EGFL6: variants seen among roughly 807,000 people sequenced by gnomAD.
EGFL6 encodes EGF like domain multiple 6, also known as epidermal growth factor-like protein 6.
EGFL6 carries 42 observed loss-of-function variants against 43.1 expected under a neutral mutation model. That is an observed-to-expected ratio of 0.98 (90% CI 0.76 to 1.26). The LOEUF (loss-of-function observed/expected upper bound fraction) is 1.26, where lower values mean the gene tolerates loss of function less well. EGFL6 is among the 50% of genes most tolerant of loss of function. The pLI is 0.00. For synonymous variants in EGFL6, 164 were observed against 163.2 expected, an observed-to-expected ratio of 1.01 and a Z score of -0.04; for missense variants, 429 against 427.8, an observed-to-expected ratio of 1.00 and a Z score of -0.02.
rs1424292783 is a variant in EGFL6, at chrX:13,617,875, C to A, written c.924C>A (p.Thr308=). Residue 308 remains threonine (T), a synonymous_variant, in exon 8 of 12, where the codon ACC becomes ACA. Coordinates refer to ENST00000361306, the MANE Select transcript of EGFL6 (RefSeq NM_015507.4). ...NVTPEPTRTP[T]PKVNLQPFNY... The stretch of plus-strand genomic sequence containing the variant: ...CCCCAGAACCCACCAGGACTCCTAC[C>A]CCTAAGGTGAACTTGCAGCCCTTCA... 2.5e-6 allele frequency: 3 copies of A among 1,211,163 alleles called. No individual in the cohort carries two copies. Among genetic ancestry groups the A allele is most frequent in the Non-Finnish European group, 3.4e-6 (3 of 895,370 alleles).
Position 13,570,563 on chromosome X carries a change from C to G in EGFL6, c.74+628C>G, listed in dbSNP as rs140847669. ...GCAATGCAGACTCTGAAGCCGTTCC[C>G]TACTGCCCTTAAGCTTAGCTGAGAC... On this transcript the variant is annotated intron_variant, in intron 1 of 11. Coordinates refer to ENST00000361306, the MANE Select transcript of EGFL6 (RefSeq NM_015507.4). 4.4e-3 allele frequency among the ~76,000 whole-genome samples: 487 copies of G among 111,881 alleles called. 3 individuals are homozygous for G. Among genetic ancestry groups the G allele is most frequent in the African/African-American group, 0.015 (476 of 30,764 alleles).
Position 13,633,422 on chromosome X carries a change from A to G in EGFL6, c.*327A>G, listed in dbSNP as rs2045824995. 6.9e-6 allele frequency: 1 copy of G among 144,544 alleles called. No individual in the cohort carries two copies. Among genetic ancestry groups the G allele is most frequent in the African/African-American group, 3.1e-5 (1 of 31,884 alleles). The allele number at this position is 144,544 out of a possible 1,213,427, so 11.9% of individuals were successfully genotyped here. A position where few individuals can be genotyped will look rare whatever the true frequency, so the allele number is the denominator to read the frequency against. On this transcript the variant is annotated 3_prime_UTR_variant, in exon 12 of 12. Coordinates refer to ENST00000361306, the MANE Select transcript of EGFL6 (RefSeq NM_015507.4). ...ACAACATTTCTAGAAAATAGAAAAA[A>G]AAGCACAGAGAAATGTTTAACTGTT...
chrX:13,571,107 C>CCCCCA (rs2045440137), intron 1 of EGFL6, among the ~76,000 whole-genome samples: 1 of 77,728 alleles, frequency 1.3e-5, no homozygotes. Flanking sequence ...CCCCACCCCA[C>CCCCCA]CCCCCACCAC....
At chrX:13,573,457 C>A (rs745839585) in intron 1 of EGFL6, among the ~76,000 whole-genome samples, 5 of 112,026 alleles carry the variant, frequency 4.5e-5, no homozygotes, top group Non-Finnish European at 7.5e-5. Context: ...TTCTGGGCAG[C>A]CTTATTTCAA....
chrX:13,631,610 T>C (rs767965835), intron 11 of EGFL6, among the ~76,000 whole-genome samples: 2 of 110,538 alleles, frequency 1.8e-5, no homozygotes, highest in East Asian at 5.6e-4. Context: ...GGTGAAACCC[T>C]GTACTAAAAA....
At position 13,633,073 on chromosome X, in the gene EGFL6, G is replaced by A. The variant is rs750562721; in HGVS notation, c.1640G>A (p.Ser547Asn). ...VLLVSGLCPD[S>N]LLSVDD ...CTTGTTTCAGGCTTATGTCCAGATA[G>A]CCTTTTATCTGTGGATGACTGAATG... Residue 547 changes from serine to asparagine, a missense_variant, in exon 12 of 12, where the codon AGC (serine) becomes AAC (asparagine). Ser to Asn is a conservative substitution (Grantham distance 46, BLOSUM62 1). Transcript: ENST00000361306. The A allele has an allele frequency of 1.0e-5, 12 of 1,197,565 alleles. No individual in the cohort carries two copies. Among genetic ancestry groups the A allele is most frequent in the Non-Finnish European group, 1.3e-5 (12 of 890,192 alleles).
At chrX:13,631,979 A>G (rs752671930) in intron 11 of EGFL6, among the ~76,000 whole-genome samples, 1 of 111,251 alleles carries the variant, frequency 9.0e-6, no homozygotes, top group African/African-American at 3.3e-5. Flanking sequence ...TTTAGTATTC[A>G]TCCTCTGTTC....
At position 13,594,793 on chromosome X, in the gene EGFL6, A is replaced by G. The variant is rs750663750; in HGVS notation, c.188-43A>G. Reference sequence around the variant, plus strand: ...AGTTTTGCGTGCATTTCACTACACTAACTACTGTTCTTTTATCATCAAGAC... The same window carrying G: ...AGTTTTGCGTGCATTTCACTACACTGACTACTGTTCTTTTATCATCAAGAC... On this transcript the variant is annotated intron_variant, in intron 2 of 11. Transcript: ENST00000361306. 6.9e-6 allele frequency: 8 copies of G among 1,158,899 alleles called. No homozygotes were observed. In the South Asian group the frequency reaches 9.3e-5, roughly 13 times the overall value.
chrX:13,600,882 C>T (rs1000691938), intron 4 of EGFL6, among the ~76,000 whole-genome samples: 2 of 109,627 alleles, frequency 1.8e-5, no homozygotes, highest in Admixed American at 9.7e-5. Context: ...AGTACATTCA[C>T]AGTGTTGTAC....
chrX:13,603,278 T>A, intron 4 of EGFL6, 39 bp from the exon 5 acceptor site: 2 of 1,163,201 alleles, frequency 1.7e-6, no homozygotes, highest in Non-Finnish European at 2.3e-6. Context: ...CTTTTTATCA[T>A]CTCAAGAGAG....
At chrX:13,606,795 G>T (rs1291952947) in intron 6 of EGFL6, among the ~76,000 whole-genome samples, 4 of 112,131 alleles carry the variant, frequency 3.6e-5, no homozygotes, top group Admixed American at 1.9e-4. Context: ...CTTTAATTTG[G>T]CTTTTTGTTT....
chrX:13,618,076 A>C (rs1377933643), intron 8 of EGFL6, 23 bp downstream of exon 8: 4 of 1,149,108 alleles, frequency 3.5e-6, no homozygotes, highest in Non-Finnish European at 4.6e-6. Flanking sequence ...TTTATTTTAT[A>C]TGTTTTATGA....
chrX:13,588,157 C>A (rs1325572326), intron 1 of EGFL6, among the ~76,000 whole-genome samples: 1 of 112,441 alleles, frequency 8.9e-6, no homozygotes, highest in South Asian at 3.7e-4. Context: ...AAAAAAAGTT[C>A]TCTTCAAGAA....
At chrX:13,598,888 A>ACATATATATAATTCATATATATATTT (rs1380323556) in intron 3 of EGFL6, among the ~76,000 whole-genome samples, 5 of 104,833 alleles carry the variant, frequency 4.8e-5, no homozygotes, top group African/African-American at 6.9e-5. Flanking sequence ...TATATAATTC[A>ACATATATATAATTCATATATATATTT]CATATATATA....
rs767406969 is a variant in EGFL6 at position 13,613,988 on chromosome X, G to A, written c.779-3742G>A. The stretch of plus-strand genomic sequence containing the variant: ...TCTGGAAAAGATTTTAAACATTCTG[G>A]TCATGAATGCTAAAAATAATAGCAC... On this transcript the variant is annotated intron_variant, in intron 7 of 11. Coordinates refer to ENST00000361306, the MANE Select transcript of EGFL6 (RefSeq NM_015507.4). 2.7e-5 allele frequency among the ~76,000 whole-genome samples: 3 copies of A among 111,732 alleles called. No individual in the cohort carries two copies. The East Asian group carries it at 8.4e-4, about 31-fold the overall frequency.
At chrX:13,593,099 G>A (rs1246072514) in intron 2 of EGFL6, among the ~76,000 whole-genome samples, 1 of 109,651 alleles carries the variant, frequency 9.1e-6, no homozygotes, top group Non-Finnish European at 1.9e-5. Context: ...ATTTTTAGTA[G>A]AGATGTGGTT....
Position 13,608,461 on chromosome X carries a change from G to T in EGFL6, c.778+15G>T, listed in dbSNP as rs1272711585. 1.7e-6 allele frequency: 2 copies of T among 1,206,423 alleles called. No individual in the cohort carries two copies. Among genetic ancestry groups the T allele is most frequent in the Non-Finnish European group, 1.1e-6 (1 of 892,019 alleles). ...TCGGTGTTCTGGTAAGTAGCATTTG[G>T]TCATGGTGTCTTAGCTATTCCCAAT... is the stretch of plus-strand genomic sequence containing the variant. On this transcript the variant is annotated intron_variant, in intron 7 of 11. Coordinates refer to ENST00000361306, the MANE Select transcript of EGFL6 (RefSeq NM_015507.4).
intron 2 of EGFL6, among the ~76,000 whole-genome samples, chrX:13,591,708 C>G (rs1039195356): frequency 9.0e-6 from 1 of 110,876 alleles, no homozygotes; most frequent in Non-Finnish European, 1.9e-5. Context: ...CACAGTCTAC[C>G]CAGGCCTTCC....
At chrX:13,600,280 C>CTTTTTTTTT (rs1231725425) in intron 4 of EGFL6, among the ~76,000 whole-genome samples, 186 bp downstream of exon 4, 18 of 44,279 alleles carry the variant, frequency 4.1e-4, no homozygotes, top group Non-Finnish European at 5.6e-4. Flanking sequence ...TTTCTTTCTT[C>CTTTTTTTTT]TTTTTTTTTT....
Sources: allele counts gnomAD v4.1 joint callset (sites outside exome capture counted in the v4.1 genomes callset), GRCh38; gene constraint gnomAD v4.1.1; transcripts MANE v1.5; gene names NCBI Gene and HGNC (gene_info 2026-07-23, HGNC 2026-07-21).